Variants in CMSS1 observed in about 807,000 individuals in gnomAD.
The protein encoded by CMSS1 is cms1 ribosomal small subunit homolog, also known as protein CMSS1.
In CMSS1, 33 loss-of-function variants were observed where a neutral mutation model predicts 43.5. The ratio of observed to expected loss-of-function variants is 0.76; its 90% CI spans 0.57 to 1.01. The LOEUF is 1.01. Among genes scored for constraint, CMSS1 ranks in the 50% least tolerant of loss-of-function variants. The pLI, the probability that CMSS1 is intolerant of heterozygous loss-of-function variation, is 0.00. For synonymous variants in CMSS1, 115 were observed against 117.2 expected (o/e 0.98, Z 0.12); for missense variants, 313 against 326.4 (o/e 0.96, Z 0.32).
chr3:100,167,049 T>A (rs933868597), intron 5 of CMSS1, among the ~76,000 whole-genome samples: 1 of 152,140 alleles, frequency 6.6e-6, no homozygotes, highest in Non-Finnish European at 1.5e-5. Flanking sequence ...TGTCTGGCCC[T>A]TCAATATGTA....
intron 1 of CMSS1, among the ~76,000 whole-genome samples, chr3:99,973,806 A>G (rs1025214969): frequency 1.3e-5 from 2 of 152,186 alleles, no homozygotes; most frequent in African/African-American, 4.8e-5. Context: ...GTTAGATGTT[A>G]AATACCTCTA....
Position 99,878,578 on chromosome 3 carries a change from G to A in CMSS1, c.64+60535G>A, listed in dbSNP as rs1705617731. ...AGGAGTGTTCAGATTTAACTGAGAA[G>A]TTTCTGTTTATTTTCTAGACTGAAT... is the stretch of plus-strand genomic sequence containing the variant. On this transcript the variant is annotated intron_variant, in intron 1 of 9. Coordinates refer to ENST00000421999, the MANE Select transcript of CMSS1 (RefSeq NM_032359.4). Among the ~76,000 whole-genome samples the A allele has an allele frequency of 2.6e-5, 4 of 152,316 alleles. No homozygotes were observed. The South Asian group carries it at 8.3e-4, about 32-fold the overall frequency.
intron 1 of CMSS1, among the ~76,000 whole-genome samples, chr3:99,942,868 A>T (rs1707892717): frequency 1.3e-5 from 2 of 152,088 alleles, no homozygotes; most frequent in African/African-American, 4.8e-5. Flanking sequence ...TTTTCTTAAA[A>T]GAAAAAAAGA....
intron 1 of CMSS1, among the ~76,000 whole-genome samples, chr3:99,934,609 T>C (rs1707598922): frequency 6.6e-6 from 1 of 152,208 alleles, no homozygotes; most frequent in Non-Finnish European, 1.5e-5. Context: ...AATGTAAGCT[T>C]TTATTTAGCA....
chr3:100,054,414 C>T (rs974625219), intron 1 of CMSS1, among the ~76,000 whole-genome samples: 4 of 152,130 alleles, frequency 2.6e-5, no homozygotes, highest in South Asian at 2.1e-4. Context: ...GTGGCTGTCC[C>T]GTCAAGTGGA....
In CMSS1 at chr3:99,835,571, A is replaced by G. The variant is rs114337141; in HGVS notation, c.64+17528A>G. On this transcript the variant is annotated intron_variant, in intron 1 of 9. Transcript: ENST00000421999. ...ATTTTATATGCCCAGAGAGCCTGTTAGGATGCAGAATCCCTGCAGTGGGAA... is the reference window on the plus strand; with the variant it reads ...ATTTTATATGCCCAGAGAGCCTGTTGGGATGCAGAATCCCTGCAGTGGGAA... 4.7e-3 allele frequency among the ~76,000 whole-genome samples: 718 copies of G among 152,338 alleles called. 6 individuals are homozygous for G. The highest frequency in any genetic ancestry group is 0.016 in the African/African-American group (675 of 41,570).
Position 100,178,293 on chromosome 3 carries a change from T to C in CMSS1, c.757-12T>C. The C allele has an allele frequency of 1.3e-6, 2 of 1,576,160 alleles. No individual in the cohort carries two copies. Among genetic ancestry groups the C allele is most frequent in the Admixed American group, 1.7e-5 (1 of 59,636 alleles). Reference sequence around the variant, plus strand: ...ATCTTAATCTTTTTTTCCCCCCTTTTCTCTCATTTAGATAAGAAAGGAGGT... The same window carrying C: ...ATCTTAATCTTTTTTTCCCCCCTTTCCTCTCATTTAGATAAGAAAGGAGGT... On this transcript the variant is annotated splice_polypyrimidine_tract_variant and intron_variant, in intron 9 of 9. Transcript: ENST00000421999.
At chr3:99,920,114 A>G (rs1283883956) in intron 1 of CMSS1, among the ~76,000 whole-genome samples, 2 of 152,228 alleles carry the variant, frequency 1.3e-5, no homozygotes, top group Non-Finnish European at 2.9e-5. Flanking sequence ...TTGAAGCCAC[A>G]GTTTTATACA....
At chr3:100,037,472 ATT>A (rs2065128326) in intron 1 of CMSS1, among the ~76,000 whole-genome samples, 1 of 152,150 alleles carries the variant, frequency 6.6e-6, no homozygotes, top group Non-Finnish European at 1.5e-5. Flanking sequence ...ACACACGCAC[ATT>A]GTTATCTTCA....
intron 1 of CMSS1, among the ~76,000 whole-genome samples, chr3:100,128,028 G>C (rs1195054603): frequency 1.3e-5 from 2 of 152,178 alleles, no homozygotes; most frequent in African/African-American, 2.4e-5. Context: ...TGCTTGCTCT[G>C]CCTATATGAC....
chr3:100,059,971 G>T (rs2065531926), intron 1 of CMSS1, among the ~76,000 whole-genome samples: 1 of 151,258 alleles, frequency 6.6e-6, no homozygotes, highest in Non-Finnish European at 1.5e-5. Flanking sequence ...TGTATGAAAT[G>T]ATTAATTTAA....
intron 1 of CMSS1, among the ~76,000 whole-genome samples, chr3:99,986,564 T>G (rs1199778623): frequency 6.6e-6 from 1 of 152,120 alleles, no homozygotes; most frequent in Admixed American, 6.5e-5. Flanking sequence ...ATTTTTTTAA[T>G]GGGGAGAATT....
At chr3:99,960,494 G>C (rs1446557407) in intron 1 of CMSS1, among the ~76,000 whole-genome samples, 2 of 152,184 alleles carry the variant, frequency 1.3e-5, no homozygotes, top group Non-Finnish European at 2.9e-5. Flanking sequence ...GCAACATTCT[G>C]ATTAGGAATA....
chr3:99,854,689 G>GA (rs1170780739), intron 1 of CMSS1, among the ~76,000 whole-genome samples: 2 of 151,578 alleles, frequency 1.3e-5, no homozygotes, highest in Admixed American at 6.6e-5. Flanking sequence ...TCTCCTGGGG[G>GA]GCAGTCACCT....
rs138088104 is a variant in CMSS1 at position 100,073,143 on chromosome 3, G to A, written c.65-73830G>A. On this transcript the variant is annotated intron_variant, in intron 1 of 9. Coordinates refer to ENST00000421999, the MANE Select transcript of CMSS1 (RefSeq NM_032359.4). ...GAATGCTGTTATATTATAGAACAGG[G>A]GAGAACTAGTACCAGGAGTCACAAA... is the stretch of plus-strand genomic sequence containing the variant. 8.4e-3 allele frequency among the ~76,000 whole-genome samples: 1,280 copies of A among 152,242 alleles called. 12 individuals carry two copies. The highest frequency in any genetic ancestry group is 0.013 in the Non-Finnish European group (880 of 68,016).
chr3:100,004,062 C>T (rs909507959), intron 1 of CMSS1, among the ~76,000 whole-genome samples: 12 of 152,164 alleles, frequency 7.9e-5, no homozygotes, highest in South Asian at 2.1e-4. Context: ...AGATGGTTAC[C>T]AAAACTGGAG....
At chr3:99,959,637 A>G (rs770421511) in intron 1 of CMSS1, among the ~76,000 whole-genome samples, 3 of 152,212 alleles carry the variant, frequency 2.0e-5, no homozygotes, top group Non-Finnish European at 4.4e-5. Flanking sequence ...GTAGACCAAA[A>G]TGCTATAGCC....
intron 9 of CMSS1, among the ~76,000 whole-genome samples, chr3:100,177,101 A>G (rs1225748620): frequency 6.6e-6 from 1 of 152,236 alleles, no homozygotes; most frequent in Non-Finnish European, 1.5e-5. Context: ...GTCACTAACC[A>G]AGAACAAATC....
chr3:100,101,173 A>G (rs985653175), intron 1 of CMSS1, among the ~76,000 whole-genome samples: 1 of 152,188 alleles, frequency 6.6e-6, no homozygotes, highest in Non-Finnish European at 1.5e-5. Flanking sequence ...GTAACCAGTT[A>G]CTTTCTGAGA....
Sources: gnomAD v4.1 joint callset for allele counts (sites outside exome capture counted in the v4.1 genomes callset) on GRCh38, gnomAD v4.1.1 for gene constraint, MANE v1.5 for transcripts, NCBI Gene and HGNC (gene_info 2026-07-23, HGNC 2026-07-21) for gene names.